ZNF469: variants seen among roughly 807,000 people sequenced by gnomAD.
ZNF469 encodes the protein zinc finger protein 469.
In ZNF469, 1 loss-of-function variant was observed where a neutral mutation model predicts 1.0. The ratio of observed to expected loss-of-function variants is 1.00; its 90% confidence interval spans 0.35 to 4.73. ZNF469 has a LOEUF of 4.73. ZNF469 is among the 30% of genes most tolerant of loss of function. The pLI is 0.16. For synonymous variants in ZNF469, 2,703 were observed against 2,363.4 expected (o/e 1.14, Z -4.17); for missense variants, 6,100 against 5,356.3 (o/e 1.14, Z -4.33).
chr16:88,344,898 C>T, the ZNF469 span, among the ~76,000 whole-genome samples: 1 of 152,238 alleles, frequency 6.6e-6, no homozygotes, highest in African/African-American at 2.4e-5. Context: ...CCTCCATCAC[C>T]CGGCCTCTGG....
chr16:88,258,943 T>TC, the ZNF469 span, among the ~76,000 whole-genome samples: 12 of 152,082 alleles, frequency 7.9e-5, no homozygotes, highest in Admixed American at 3.3e-4. Context: ...GCCTTGTCCG[T>TC]GGGGTGGTAG....
the ZNF469 span, among the ~76,000 whole-genome samples, chr16:88,290,281 A>G: frequency 1.3e-5 from 2 of 152,214 alleles, no homozygotes; most frequent in East Asian, 1.9e-4. Context: ...GGTGCCCTTG[A>G]TCTCAAAGTT....
intron 1 of ZNF469, among the ~76,000 whole-genome samples, chr16:88,404,847 C>T (rs1348564887): frequency 2.0e-5 from 3 of 152,196 alleles, no homozygotes; most frequent in Admixed American, 6.5e-5. Flanking sequence ...ACCCGTGAAT[C>T]CCCACCTGGG....
At chr16:88,394,999 G>A (rs546694594) in intron 1 of ZNF469, among the ~76,000 whole-genome samples, 11 of 152,352 alleles carry the variant, frequency 7.2e-5, no homozygotes, top group African/African-American at 2.4e-4. Flanking sequence ...TCCACTCTGG[G>A]ATCTGGGCTT....
the ZNF469 span, among the ~76,000 whole-genome samples, chr16:88,227,207 C>T: frequency 6.6e-6 from 1 of 152,306 alleles, no homozygotes; most frequent in South Asian, 2.1e-4. Context: ...GCCCCTTGCC[C>T]GTCGTGGGGA....
At chr16:88,362,437 C>T in the ZNF469 span, among the ~76,000 whole-genome samples, 2 of 152,186 alleles carry the variant, frequency 1.3e-5, no homozygotes, top group Non-Finnish European at 2.9e-5. Context: ...AAACCTAGGT[C>T]AGCTGCCGAT....
At chr16:88,361,419 C>G in the ZNF469 span, among the ~76,000 whole-genome samples, 315 of 152,292 alleles carry the variant, frequency 2.1e-3, no homozygotes, top group African/African-American at 7.1e-3. Context: ...GTAAAACTAA[C>G]CTATGATGGA....
chr16:88,244,355 G>T, the ZNF469 span, among the ~76,000 whole-genome samples: 1 of 151,252 alleles, frequency 6.6e-6, no homozygotes, highest in Non-Finnish European at 1.5e-5. Context: ...ATGGGTGAAT[G>T]GGTGGATGGA....
chr16:88,267,364 C>A, the ZNF469 span, among the ~76,000 whole-genome samples: 1 of 152,196 alleles, frequency 6.6e-6, no homozygotes, highest in South Asian at 2.1e-4. Flanking sequence ...CGGTGCCAGT[C>A]GCGAAAGCCC....
chr16:88,193,991 G>T, the ZNF469 span, among the ~76,000 whole-genome samples: 1 of 152,206 alleles, frequency 6.6e-6, no homozygotes, highest in African/African-American at 2.4e-5. Context: ...TTGAGGTTAA[G>T]GATTTCAACA....
At chr16:88,355,111 G>A in the ZNF469 span, among the ~76,000 whole-genome samples, 17 of 146,436 alleles carry the variant, frequency 1.2e-4, no homozygotes, top group African/African-American at 4.4e-4. Context: ...CAGAACACTG[G>A]GCAGAACACT....
At chr16:88,170,878 C>T in the ZNF469 span, among the ~76,000 whole-genome samples, 5 of 151,924 alleles carry the variant, frequency 3.3e-5, no homozygotes, top group Non-Finnish European at 4.4e-5. This position sits in a 1 kb window ranked among gnomAD's most constrained non-coding sequence, Gnocchi z 4.2. Context: ...TCCCTCCAAC[C>T]GCGAGCAAGT....
the ZNF469 span, among the ~76,000 whole-genome samples, chr16:88,269,839 A>C: frequency 6.6e-6 from 1 of 151,742 alleles, no homozygotes; most frequent in African/African-American, 2.4e-5. Context: ...GAGTGTCCCC[A>C]CCTTTTCTGA....
At chr16:88,143,083 T>A in the ZNF469 span, among the ~76,000 whole-genome samples, 1 of 152,066 alleles carries the variant, frequency 6.6e-6, no homozygotes, top group Non-Finnish European at 1.5e-5. Context: ...CCCAGGCACT[T>A]CACCGACACC....
the ZNF469 span, among the ~76,000 whole-genome samples, chr16:88,151,445 G>C: frequency 6.6e-6 from 1 of 152,212 alleles, no homozygotes; most frequent in African/African-American, 2.4e-5. This position sits in a 1 kb window ranked among gnomAD's most constrained non-coding sequence, Gnocchi z 5.4. Flanking sequence ...AATGGCCGCA[G>C]ACTCTCCCTG....
the ZNF469 span, among the ~76,000 whole-genome samples, chr16:88,319,944 C>T: frequency 2.6e-5 from 4 of 152,216 alleles, no homozygotes; most frequent in Admixed American, 2.0e-4. Context: ...CATGTGGGGT[C>T]AGTGAGGGTT....
In ZNF469 at chr16:88,433,354, G is replaced by T. The variant is rs890326716; in HGVS notation, c.5884G>T (p.Val1962Leu). 8 of 1,550,298 alleles carry T rather than the reference G, an allele frequency of 5.2e-6. No individual in the cohort carries two copies. The highest frequency in any genetic ancestry group is 6.1e-6 in the Non-Finnish European group (7 of 1,146,914). The change falls in exon 3 of 3, where the codon GTG (valine) becomes TTG (leucine). Residue 1962 changes from valine (V) to leucine (L), a missense_variant. Transcript: ENST00000565624. ...CGPAQGSPGG[V>L]QVTTLPAVAG... ...CCCCGCCCAGGGCTCCCCAGGGGGT[G>T]TGCAGGTGACAACTCTCCCTGCAGT...
chr16:88,216,861 C>A, the ZNF469 span, among the ~76,000 whole-genome samples: 2 of 151,704 alleles, frequency 1.3e-5, no homozygotes, highest in Non-Finnish European at 1.5e-5. Context: ...TGCTTATGTT[C>A]TATTAAACTG....
At chr16:88,347,820 C>CATTGGATGTGTTTGGGCCT in the ZNF469 span, among the ~76,000 whole-genome samples, 1 of 152,236 alleles carries the variant, frequency 6.6e-6, no homozygotes, top group Non-Finnish European at 1.5e-5. Context: ...CTCCTGGGAC[C>CATTGGATGTGTTTGGGCCT]ATTGGATGTG....
Sources: allele counts gnomAD v4.1 joint callset (sites outside exome capture counted in the v4.1 genomes callset), GRCh38; gene constraint gnomAD v4.1.1; non-coding constraint Gnocchi (gnomAD v3.1); transcripts MANE v1.5; gene names NCBI Gene and HGNC (gene_info 2026-07-23, HGNC 2026-07-21).